Variants in RABGAP1 observed in about 807,000 individuals in gnomAD.
RABGAP1 encodes RAB GTPase activating protein 1, also known as rab GTPase-activating protein 1.
In RABGAP1, 23 loss-of-function variants were observed where a neutral mutation model predicts 137.6. The observed-to-expected ratio is 0.17, with a 90% CI of 0.12 to 0.24. RABGAP1 has a LOEUF of 0.24. Ranked by LOEUF, RABGAP1 falls within the 10% of genes least tolerant of loss-of-function variation. RABGAP1 has a pLI of 1.00. For missense variants in RABGAP1, 906 were observed against 1,275.8 expected, an observed-to-expected ratio of 0.71 and a Z score of 4.42; for synonymous variants, 451 against 450.7, an observed-to-expected ratio of 1.00 and a Z score of -0.01.
chr9:123,021,478 C>T (rs1041451810), intron 13 of RABGAP1, among the ~76,000 whole-genome samples: 82 of 152,008 alleles, frequency 5.4e-4, no homozygotes, highest in African/African-American at 1.9e-3. Flanking sequence ...TGCGCACCAC[C>T]ATGCCTAATT....
Position 122,990,219 on chromosome 9 carries a change from G to A in RABGAP1, c.923+6G>A, listed in dbSNP as rs777178413. 8 of 1,588,452 alleles carry A rather than the reference G, an allele frequency of 5.0e-6. No individual in the cohort carries two copies. Among genetic ancestry groups the A allele is most frequent in the Admixed American group, 1.7e-5 (1 of 58,714 alleles). ...GATGGTAAAGGTTATTTTAGGTAGG[G>A]AATCTTATTTTATTCATGTATTAAC... On this transcript the variant is annotated splice_donor_region_variant and intron_variant, in intron 6 of 25. Coordinates refer to ENST00000373647, the MANE Select transcript of RABGAP1 (RefSeq NM_012197.4).
At chr9:122,967,912 G>C (rs1000531821) in intron 2 of RABGAP1, among the ~76,000 whole-genome samples, 1 of 151,976 alleles carries the variant, frequency 6.6e-6, no homozygotes, top group Admixed American at 6.6e-5. Flanking sequence ...ATTTTTAGTA[G>C]AGATGGGGTT....
At chr9:123,084,451 C>T (rs777220015) in intron 19 of RABGAP1, among the ~76,000 whole-genome samples, 16 of 152,192 alleles carry the variant, frequency 1.1e-4, no homozygotes, top group Admixed American at 2.0e-4. Context: ...GCTTCTCTCT[C>T]GCCATGCAGA....
rs2035221887 is a variant in RABGAP1 at position 123,097,617 on chromosome 9, G to T, written c.2629-124G>T. 7 of 759,972 alleles carry T rather than the reference G, an allele frequency of 9.2e-6. No individual in the cohort carries two copies. The South Asian group carries it at 1.3e-4, about 14-fold the overall frequency. The allele number at this position is 759,972 out of a possible 1,614,324, so 47.1% of individuals were successfully genotyped here. A position where few individuals can be genotyped will look rare whatever the true frequency, so the allele number is the denominator to read the frequency against. On this transcript the variant is annotated intron_variant, in intron 21 of 25. Transcript: ENST00000373647. ...AGTGTATTCTCATTGTGACCCTGGG[G>T]ATATAATTTCCCCTCTCTGAATCAG...
intron 13 of RABGAP1, among the ~76,000 whole-genome samples, chr9:123,058,110 A>C (rs1203766213): frequency 6.6e-6 from 1 of 151,772 alleles, no homozygotes. Context: ...AGGGAAATTG[A>C]GTGATTGTGG....
chr9:122,936,687 C>T (rs1413253828), upstream of RABGAP1, among the ~76,000 whole-genome samples: 1 of 152,286 alleles, frequency 6.6e-6, no homozygotes, highest in East Asian at 1.9e-4. Flanking sequence ...AGGCAGGTTG[C>T]CACTGTTTTG....
chr9:123,097,880 A>G (rs1190897829), intron 22 of RABGAP1, 35 bp downstream of exon 22: 6 of 1,573,206 alleles, frequency 3.8e-6, no homozygotes, highest in Non-Finnish European at 5.2e-6. Flanking sequence ...CTGTCTTGCA[A>G]ATGCTTGAGA....
At chr9:123,041,913 A>G (rs1395313589) in intron 13 of RABGAP1, among the ~76,000 whole-genome samples, 1 of 152,180 alleles carries the variant, frequency 6.6e-6, no homozygotes, top group African/African-American at 2.4e-5. Flanking sequence ...AGACATCATC[A>G]CCCCTTACTC....
In RABGAP1 at chr9:122,952,906, C is replaced by A. The variant is rs147577060; in HGVS notation, c.-49-4105C>A. Among the ~76,000 whole-genome samples the A allele has an allele frequency of 4.5e-3, 682 of 152,214 alleles. 5 individuals are homozygous for A. Among genetic ancestry groups the A allele is most frequent in the African/African-American group, 0.016 (647 of 41,530 alleles). On this transcript the variant is annotated intron_variant, in intron 1 of 25. Transcript: ENST00000373647. Reference sequence around the variant, plus strand: ...TATCTTATTTCAAATGGATAATAATCCTTATTCTATCTGTTTTACAGAATT... The same window carrying A: ...TATCTTATTTCAAATGGATAATAATACTTATTCTATCTGTTTTACAGAATT...
intron 13 of RABGAP1, among the ~76,000 whole-genome samples, chr9:123,054,384 C>T (rs1234117001): frequency 2.0e-5 from 3 of 152,142 alleles, no homozygotes. Context: ...TTCTCTAAGT[C>T]TGAATTTCCA....
chr9:122,992,519 A>G (rs759665206), intron 6 of RABGAP1, among the ~76,000 whole-genome samples: 42 of 152,120 alleles, frequency 2.8e-4, no homozygotes, highest in Non-Finnish European at 5.6e-4. Flanking sequence ...ACAAAGTGCT[A>G]TTACAGAAAA....
At chr9:123,000,314 G>A (rs116919864) in intron 10 of RABGAP1, among the ~76,000 whole-genome samples, 2,282 of 151,944 alleles carry the variant, frequency 0.015, 34 homozygotes, top group South Asian at 0.066. Context: ...TTTTTTGTGG[G>A]TGGGTAGCAG....
intron 19 of RABGAP1, among the ~76,000 whole-genome samples, chr9:123,083,291 C>T (rs552458252): frequency 1.3e-5 from 2 of 152,318 alleles, no homozygotes; most frequent in African/African-American, 4.8e-5. Flanking sequence ...ATCTCTGTGT[C>T]AGAGTTGAAA....
chr9:123,005,778 A>G (rs949707256), intron 10 of RABGAP1, among the ~76,000 whole-genome samples: 16 of 152,198 alleles, frequency 1.1e-4, no homozygotes, highest in Admixed American at 4.6e-4. Context: ...ATAGACTCCT[A>G]TTAGTATAAT....
intron 21 of RABGAP1, among the ~76,000 whole-genome samples, chr9:123,093,597 C>T (rs1165718251): frequency 6.6e-6 from 1 of 152,158 alleles, no homozygotes; most frequent in Non-Finnish European, 1.5e-5. Context: ...TTAGCTTGGC[C>T]CCTTTATTAA....
At chr9:123,029,690 G>C in intron 13 of RABGAP1, 1 of 677,040 alleles carries the variant, frequency 1.5e-6, no homozygotes, top group Non-Finnish European at 2.8e-6. Flanking sequence ...TTGTTCACTG[G>C]GTCTTTGTCT....
At chr9:122,981,232 G>T (rs543873911) in intron 2 of RABGAP1, among the ~76,000 whole-genome samples, 20 of 152,114 alleles carry the variant, frequency 1.3e-4, no homozygotes, top group African/African-American at 3.4e-4. Flanking sequence ...CACCATGTTG[G>T]CCAGGCTGGT....
chr9:123,007,037 T>A (rs569422724), intron 10 of RABGAP1, among the ~76,000 whole-genome samples: 2 of 152,056 alleles, frequency 1.3e-5, no homozygotes, highest in East Asian at 3.9e-4. Context: ...GTTCAACTTG[T>A]GTAGCTCTGG....
At chr9:123,054,595 A>G (rs1278931853) in intron 13 of RABGAP1, among the ~76,000 whole-genome samples, 1 of 151,802 alleles carries the variant, frequency 6.6e-6, no homozygotes, top group Non-Finnish European at 1.5e-5. Context: ...GTTGTTAACT[A>G]AATCCCAAAC....
Sources: gnomAD v4.1 joint callset for allele counts (sites outside exome capture counted in the v4.1 genomes callset) on GRCh38, gnomAD v4.1.1 for gene constraint, MANE v1.5 for transcripts, NCBI Gene and HGNC (gene_info 2026-07-23, HGNC 2026-07-21) for gene names.